Variants in LTBP1 observed in about 807,000 individuals in gnomAD.
LTBP1 encodes the protein latent-transforming growth factor beta-binding protein 1.
In LTBP1, 129 loss-of-function variants were observed where a neutral mutation model predicts 207.6. The ratio of observed to expected loss-of-function variants is 0.62; its 90% CI spans 0.54 to 0.72. The LOEUF is 0.72. Ranked by LOEUF, LTBP1 falls within the 30% of genes least tolerant of loss-of-function variation. The probability of loss-of-function intolerance (pLI) is 0.00; values close to 1 mark genes in which losing one functional copy is unlikely to be tolerated. For missense variants in LTBP1, 2,281 were observed against 2,217.2 expected (o/e 1.03, Z -0.58); for synonymous variants, 963 against 833.7 (o/e 1.16, Z -2.67).
chr2:33,290,055 T>C (rs1172877366), intron 19 of LTBP1, among the ~76,000 whole-genome samples: 1 of 152,170 alleles, frequency 6.6e-6, no homozygotes, highest in Non-Finnish European at 1.5e-5. Context: ...GGTGAGAGCC[T>C]TGTGCTGCGT....
intron 3 of LTBP1, among the ~76,000 whole-genome samples, chr2:33,101,137 G>C (rs920507808): frequency 1.3e-5 from 2 of 152,168 alleles, no homozygotes; most frequent in Non-Finnish European, 2.9e-5. Context: ...TGTAGGGCTA[G>C]GTTCCTTGAC....
chr2:33,078,928 G>A (rs570918644), intron 3 of LTBP1, among the ~76,000 whole-genome samples: 14 of 129,646 alleles, frequency 1.1e-4, no homozygotes, highest in African/African-American at 3.8e-4. Context: ...GCACGATCTC[G>A]GCTCACTGCA....
chr2:32,965,320 A>G (rs559661363), intron 2 of LTBP1, among the ~76,000 whole-genome samples: 1 of 152,150 alleles, frequency 6.6e-6, no homozygotes, highest in Non-Finnish European at 1.5e-5. Context: ...GTTACAATCG[A>G]TGAACCCCTA....
At position 33,263,345 on chromosome 2, in the gene LTBP1, C is replaced by T. The variant is rs2093074692; in HGVS notation, c.2570C>T (p.Ala857Val). The T allele has an allele frequency of 5.0e-6, 8 of 1,613,966 alleles. No individual in the cohort carries two copies. The highest frequency in any genetic ancestry group is 6.8e-6 in the Non-Finnish European group (8 of 1,179,928). The change falls in exon 15 of 34, where the codon GCT becomes GTT. Residue 857 changes from alanine (A) to valine (V), a missense_variant. Ala to Val is a moderately conservative substitution (Grantham distance 64). Transcript: ENST00000404816. ...GTGCCTGTTGAAGTAGCTCCTGAAG[C>T]TTCTACGTCTAGTGCCAGCCAAGTG... Reference protein sequence around the residue: ...PPVPVEVAPEASTSSASQVIA... With the variant: ...PPVPVEVAPEVSTSSASQVIA...
intron 2 of LTBP1, among the ~76,000 whole-genome samples, 158 bp from the exon 3 acceptor site, chr2:33,020,751 C>T (rs959192905): frequency 2.0e-5 from 3 of 152,126 alleles, no homozygotes; most frequent in Non-Finnish European, 4.4e-5. Context: ...GCTCTCTTCC[C>T]CCTCCTCCGC....
chr2:33,318,933 A>G (rs1181883610), intron 24 of LTBP1, among the ~76,000 whole-genome samples: 2 of 152,166 alleles, frequency 1.3e-5, no homozygotes, highest in Non-Finnish European at 2.9e-5. Flanking sequence ...TGTCTCTACA[A>G]AGAAAAATTT....
chr2:32,996,425 G>A (rs1462795653), intron 2 of LTBP1, among the ~76,000 whole-genome samples: 1 of 152,124 alleles, frequency 6.6e-6, no homozygotes, highest in African/African-American at 2.4e-5. Flanking sequence ...TGGGGGTTAG[G>A]ATTTCAACAT....
At chr2:33,079,162 A>C (rs2078258330) in intron 3 of LTBP1, among the ~76,000 whole-genome samples, 2 of 152,190 alleles carry the variant, frequency 1.3e-5, no homozygotes, top group African/African-American at 4.8e-5. Flanking sequence ...TTTATTTAAC[A>C]ATATTAATGA....
intron 31 of LTBP1, among the ~76,000 whole-genome samples, chr2:33,381,502 C>T (rs2095214269): frequency 6.6e-6 from 1 of 152,114 alleles, no homozygotes; most frequent in Non-Finnish European, 1.5e-5. Flanking sequence ...AGAATATAAA[C>T]CTTGCCAAGA....
intron 9 of LTBP1, among the ~76,000 whole-genome samples, chr2:33,238,291 CAT>C (rs2092146248): frequency 6.6e-6 from 1 of 152,200 alleles, no homozygotes; most frequent in South Asian, 2.1e-4. Flanking sequence ...TCCTGTTGGA[CAT>C]GCCTCATTTC....
intron 2 of LTBP1, among the ~76,000 whole-genome samples, chr2:33,016,809 G>C (rs1688446899): frequency 6.6e-6 from 1 of 152,200 alleles, no homozygotes; most frequent in Admixed American, 6.5e-5. Context: ...GATCACCTGA[G>C]GTCAGGAGTT....
At chr2:33,323,217 A>C (rs561451526) in intron 24 of LTBP1, among the ~76,000 whole-genome samples, 9 of 152,290 alleles carry the variant, frequency 5.9e-5, no homozygotes, top group East Asian at 3.9e-4. Context: ...TACAAAAAAA[A>C]CCCGATTTTA....
intron 19 of LTBP1, among the ~76,000 whole-genome samples, chr2:33,292,465 A>G (rs79322958): frequency 9.8e-4 from 149 of 152,330 alleles, no homozygotes; most frequent in African/African-American, 3.4e-3. Context: ...TCCTTCCTCC[A>G]TAAAATGGTT....
At position 33,190,357 on chromosome 2, in the gene LTBP1, C is replaced by T. The variant is rs116441554; in HGVS notation, c.1701+1506C>T. Among the ~76,000 whole-genome samples, 323 of 152,132 alleles carry T rather than the reference C, an allele frequency of 2.1e-3. 3 individuals carry two copies. The highest frequency in any genetic ancestry group is 0.012 in the South Asian group (60 of 4,816). On this transcript the variant is annotated intron_variant, in intron 7 of 33. Coordinates refer to ENST00000404816, the MANE Select transcript of LTBP1 (RefSeq NM_206943.4). The stretch of plus-strand genomic sequence containing the variant: ...AATATATCGTGTGTGTGTGTATATG[C>T]GCATGAAATACTTGGGAGTAATAGA...
chr2:33,351,440 CATT>C (rs1488732717), intron 26 of LTBP1, among the ~76,000 whole-genome samples: 4 of 152,156 alleles, frequency 2.6e-5, no homozygotes, highest in Admixed American at 2.0e-4. Context: ...TTTTGTTTTT[CATT>C]ATTAAGATAA....
intron 3 of LTBP1, among the ~76,000 whole-genome samples, chr2:33,073,691 A>G (rs533573871): frequency 1.3e-5 from 2 of 152,070 alleles, no homozygotes; most frequent in African/African-American, 4.8e-5. Flanking sequence ...CAGTGACACA[A>G]TCTCAGCTAA....
At chr2:33,220,450 TGCTG>T (rs2091028284) in intron 8 of LTBP1, among the ~76,000 whole-genome samples, 1 of 152,244 alleles carries the variant, frequency 6.6e-6, no homozygotes, top group African/African-American at 2.4e-5. Context: ...TCATTTTTTT[TGCTG>T]TGAATACTTA....
chr2:33,390,383 A>G (rs2095305033), intron 32 of LTBP1, among the ~76,000 whole-genome samples: 1 of 152,218 alleles, frequency 6.6e-6, no homozygotes, highest in Non-Finnish European at 1.5e-5. Context: ...ATGAAATATT[A>G]GTAGATAGTA....
chr2:33,293,121 T>C (rs2093807339), intron 19 of LTBP1, 39 bp from the exon 20 acceptor site: 2 of 1,594,870 alleles, frequency 1.3e-6, no homozygotes, highest in East Asian at 2.2e-5. Flanking sequence ...TTTCTTTTTC[T>C]TCTTTTTTTG....
Sources: allele counts gnomAD v4.1 joint callset (sites outside exome capture counted in the v4.1 genomes callset), GRCh38; gene constraint gnomAD v4.1.1; transcripts MANE v1.5; gene names NCBI Gene and HGNC (gene_info 2026-07-23, HGNC 2026-07-21).